The following ALMS1 variants were observed in gnomAD, a reference collection of about 807,000 sequenced individuals.
ALMS1 encodes centrosome-associated protein ALMS1.
A neutral mutation model predicts 352.2 loss-of-function variants in ALMS1; 271 were observed. That is an observed-to-expected ratio of 0.77 (90% CI 0.70 to 0.85). The LOEUF (loss-of-function observed/expected upper bound fraction) is 0.85, where lower values mean the gene tolerates loss of function less well. Ranked by LOEUF, ALMS1 falls within the 40% of genes least tolerant of loss-of-function variation. ALMS1 has a pLI of 0.00. For missense variants in ALMS1, 5,445 were observed against 4,870.7 expected, an observed-to-expected ratio of 1.12 and a Z score of -3.51; for synonymous variants, 1,865 against 1,761.2, an observed-to-expected ratio of 1.06 and a Z score of -1.48.
intron 16 of ALMS1, among the ~76,000 whole-genome samples, chr2:73,576,287 C>T (rs1332335472): frequency 3.3e-5 from 5 of 152,054 alleles, no homozygotes; most frequent in African/African-American, 9.7e-5. Context: ...ATTATTTTGG[C>T]TGTTTGGTTT....
intron 10 of ALMS1, among the ~76,000 whole-genome samples, chr2:73,507,410 G>C (rs1427686501): frequency 6.6e-6 from 1 of 152,112 alleles, no homozygotes; most frequent in African/African-American, 2.4e-5. Flanking sequence ...TCTGGTCCTG[G>C]GCTTTTCTTG....
At chr2:73,516,734 A>G (rs906011438) in intron 10 of ALMS1, among the ~76,000 whole-genome samples, 2 of 152,136 alleles carry the variant, frequency 1.3e-5, no homozygotes, top group Non-Finnish European at 2.9e-5. Context: ...CTCAAGGGAA[A>G]TTCATTTCAT....
chr2:73,402,116 C>T (rs891377451), intron 1 of ALMS1, among the ~76,000 whole-genome samples: 7 of 151,576 alleles, frequency 4.6e-5, no homozygotes, highest in South Asian at 2.1e-4. Context: ...TAGTTGTGTT[C>T]GTGGCTATTG....
intron 9 of ALMS1, among the ~76,000 whole-genome samples, chr2:73,488,347 A>G (rs1017165836): frequency 2.6e-5 from 4 of 152,214 alleles, no homozygotes; most frequent in Non-Finnish European, 4.4e-5. Context: ...GCTGGGTCGC[A>G]ACAGTGCCTG....
At position 73,448,674 on chromosome 2, in the gene ALMS1, A is replaced by G. The variant is rs1234231409; in HGVS notation, c.2147A>G (p.His716Arg). Residue 716 changes from histidine (H) to arginine (R), a missense_variant, in exon 8 of 23, where the codon CAC becomes CGC. By Grantham distance (29) the His-to-Arg change is conservative. Transcript: ENST00000613296. ...TGTATVLSTP[H>R]SHREKPGIFY... ...ACAGCAACAGTACTCTCTACTCCCC[A>G]CTCACATAGAGAGAAGCCTGGTATT... 1 of 1,613,410 alleles carries G rather than the reference A, an allele frequency of 6.2e-7. No homozygotes were observed.
intron 12 of ALMS1, among the ~76,000 whole-genome samples, chr2:73,542,214 A>G (rs1033127973): frequency 2.6e-5 from 4 of 152,226 alleles, no homozygotes; most frequent in African/African-American, 9.6e-5. Context: ...CTGGTTCAAC[A>G]TTCGTAAATC....
chr2:73,453,454 G>A lies in ALMS1; in HGVS notation c.6927G>A (p.Thr2309=), dbSNP rs767383683. The A allele has an allele frequency of 4.3e-6, 7 of 1,612,728 alleles. No individual in the cohort carries two copies. The highest frequency in any genetic ancestry group is 1.1e-5 in the South Asian group (1 of 91,006). ...KVVCFKEPSS[T]GVSNGDLLHR... is the part of the protein sequence containing the mutation. ...TTTGCTTCAAAGAACCCTCTTCCAC[G>A]GGTGTATCTAATGGTGATTTGCTTC... Residue 2309 remains threonine, a synonymous_variant, in exon 8 of 23, where the codon ACG becomes ACA. Transcript: ENST00000613296.
chr2:73,401,657 T>C (rs1394787954), intron 1 of ALMS1, among the ~76,000 whole-genome samples: 1 of 151,972 alleles, frequency 6.6e-6, no homozygotes, highest in Non-Finnish European at 1.5e-5. Context: ...AATTAACATA[T>C]TCGTGATCTC....
intron 11 of ALMS1, among the ~76,000 whole-genome samples, chr2:73,529,665 C>G (rs1281697091): frequency 6.6e-6 from 1 of 152,154 alleles, no homozygotes; most frequent in Non-Finnish European, 1.5e-5. Flanking sequence ...CACTGTGGCT[C>G]TTGCAGACTT....
At chr2:73,507,797 G>A (rs867762572) in intron 10 of ALMS1, among the ~76,000 whole-genome samples, 9 of 152,138 alleles carry the variant, frequency 5.9e-5, no homozygotes, top group Middle Eastern at 3.4e-3. Flanking sequence ...TCTGATCTTA[G>A]CTATTTCTTG....
At chr2:73,566,371 A>G (rs1334202166) in intron 15 of ALMS1, among the ~76,000 whole-genome samples, 2 of 152,224 alleles carry the variant, frequency 1.3e-5, no homozygotes, top group East Asian at 3.8e-4. Context: ...AGTCACCCTG[A>G]TAACCCAGAC....
At chr2:73,550,561 A>G (rs1051590148) in intron 13 of ALMS1, 124 bp downstream of exon 13, 6 of 1,271,690 alleles carry the variant, frequency 4.7e-6, no homozygotes, top group Non-Finnish European at 3.3e-6. Context: ...TTGCTGTTAT[A>G]TTGAGCATAT....
At chr2:73,404,899 CTTTTTT>C (rs58122480) in intron 1 of ALMS1, among the ~76,000 whole-genome samples, 37 of 60,772 alleles carry the variant, frequency 6.1e-4, no homozygotes, top group African/African-American at 3.3e-3. Flanking sequence ...TGTCCTGGAC[CTTTTTT>C]TTTTTTTTTT....
chr2:73,441,445 T>G (rs978282416), intron 7 of ALMS1, among the ~76,000 whole-genome samples: 5 of 152,136 alleles, frequency 3.3e-5, no homozygotes, highest in Non-Finnish European at 5.9e-5. Context: ...GCACTACAGT[T>G]CTGGTGGTGC....
intron 9 of ALMS1, among the ~76,000 whole-genome samples, chr2:73,483,483 T>C (rs1397936426): frequency 1.3e-5 from 2 of 151,924 alleles, no homozygotes; most frequent in African/African-American, 4.9e-5. Context: ...GAGGAGAGCT[T>C]TAGTTCCAAG....
Position 73,449,336 on chromosome 2 carries a change from G to A in ALMS1, c.2809G>A (p.Val937Ile), listed in dbSNP as rs756153603. Residue 937 changes from valine to isoleucine, a missense_variant, in exon 8 of 23, where the codon GTT becomes ATT. By Grantham distance (29) the Val-to-Ile change is conservative (BLOSUM62 3). Transcript: ENST00000613296. ...TGAAGAAGCTCTGAAGGTTTCAGCT[G>A]TTTCTGTATTGGCTGCCCAGAAGAC... ...FPEEALKVSA[V>I]SVLAAQKTGT... 1 of 1,614,084 alleles carries A rather than the reference G, an allele frequency of 6.2e-7. No individual in the cohort carries two copies. Among genetic ancestry groups the A allele is most frequent in the Admixed American group, 1.7e-5 (1 of 60,002 alleles).
In ALMS1 at chr2:73,448,926, A is replaced by C. The variant is rs774671516; in HGVS notation, c.2399A>C (p.Lys800Thr). 2 of 1,614,152 alleles carry C rather than the reference A, an allele frequency of 1.2e-6. No homozygotes were observed. The highest frequency in any genetic ancestry group is 1.7e-6 in the Non-Finnish European group (2 of 1,179,976). Residue 800 changes from lysine to threonine, a missense_variant, in exon 8 of 23, where the codon AAG becomes ACG. Coordinates refer to ENST00000613296, the MANE Select transcript of ALMS1 (RefSeq NM_001378454.1). ...GCTGTTGCTGGACCAGCTGACCAGA[A>C]GACTGGCCTACCAACAGTACCCTCT... ...VSAVAGPADQ[K>T]TGLPTVPSSA...
chr2:73,536,991 T>C (rs1278847381), intron 12 of ALMS1, among the ~76,000 whole-genome samples: 1 of 152,146 alleles, frequency 6.6e-6, no homozygotes, highest in Non-Finnish European at 1.5e-5. Flanking sequence ...GGATGCAAAA[T>C]GGAGCTGGGC....
intron 1 of ALMS1, among the ~76,000 whole-genome samples, chr2:73,392,712 A>G (rs1400683609): frequency 6.6e-6 from 1 of 152,198 alleles, no homozygotes; most frequent in East Asian, 1.9e-4. Context: ...ATATTTTATT[A>G]TATGGATATG....
Sources: gnomAD v4.1 joint callset for allele counts (sites outside exome capture counted in the v4.1 genomes callset) on GRCh38, gnomAD v4.1.1 for gene constraint, MANE v1.5 for transcripts, NCBI Gene and HGNC (gene_info 2026-07-23, HGNC 2026-07-21) for gene names.